DZIP1L: variants seen among roughly 807,000 people sequenced by gnomAD.
DZIP1L encodes the protein DAZ interacting zinc finger protein 1 like.
In DZIP1L, 90 loss-of-function variants were observed where a neutral mutation model predicts 88.7. That is an observed-to-expected ratio of 1.02 (90% CI 0.86 to 1.21). The LOEUF (loss-of-function observed/expected upper bound fraction) is 1.21, where lower values mean the gene tolerates loss of function less well. Ranked by LOEUF, DZIP1L falls within the 50% of genes most tolerant of loss-of-function variation. The pLI is 0.00. For synonymous variants in DZIP1L, 363 were observed against 372.1 expected, an observed-to-expected ratio of 0.98 and a Z score of 0.28; for missense variants, 932 against 955.8, an observed-to-expected ratio of 0.98 and a Z score of 0.33.
chr3:138,089,335 T>G, intron 5 of DZIP1L: 4 of 922,178 alleles, frequency 4.3e-6, no homozygotes, highest in Non-Finnish European at 5.2e-6. Context: ...AATGTGTCAC[T>G]CCTGGTTTCC....
chr3:138,067,487 T>C, intron 14 of DZIP1L, 44 bp downstream of exon 14: 1 of 1,543,368 alleles, frequency 6.5e-7, no homozygotes, highest in Non-Finnish European at 8.7e-7. Context: ...GGAGAAGGGC[T>C]ACACCGGTGG....
chr3:138,072,086 G>A (rs1427501396), intron 11 of DZIP1L, among the ~76,000 whole-genome samples: 3 of 152,200 alleles, frequency 2.0e-5, no homozygotes, highest in African/African-American at 4.8e-5. Context: ...AAAGGACTGC[G>A]TCACAATTCT....
chr3:138,095,396 T>A (rs1944421912), intron 3 of DZIP1L, among the ~76,000 whole-genome samples: 3 of 152,112 alleles, frequency 2.0e-5, no homozygotes, highest in Admixed American at 2.0e-4. Context: ...AAAGAACATA[T>A]CCATGTATCC....
At chr3:138,112,421 G>A (rs1312229424) in intron 1 of DZIP1L, 4 of 152,150 alleles carry the variant, frequency 2.6e-5, no homozygotes, top group Admixed American at 2.6e-4. Flanking sequence ...ATCACCACAG[G>A]GTTAGTGTTG....
intron 7 of DZIP1L, among the ~76,000 whole-genome samples, chr3:138,085,871 T>C (rs2107789051): frequency 6.6e-6 from 1 of 152,288 alleles, no homozygotes; most frequent in Middle Eastern, 3.4e-3. Flanking sequence ...TGTCCATCAA[T>C]GATAGACTGG....
At chr3:138,090,930 C>T (rs1449596359) in intron 5 of DZIP1L, among the ~76,000 whole-genome samples, 1 of 150,868 alleles carries the variant, frequency 6.6e-6, no homozygotes, top group Non-Finnish European at 1.5e-5. Context: ...GTCACCCAGG[C>T]AGGGGTGCAG....
At chr3:138,076,394 G>A (rs2107758141) in intron 11 of DZIP1L, among the ~76,000 whole-genome samples, 1 of 152,280 alleles carries the variant, frequency 6.6e-6, no homozygotes. Flanking sequence ...ATTTGATCCA[G>A]CAATCCCACT....
intron 11 of DZIP1L, among the ~76,000 whole-genome samples, chr3:138,074,591 T>C (rs1304693198): frequency 1.3e-5 from 2 of 152,182 alleles, no homozygotes; most frequent in East Asian, 3.8e-4. Flanking sequence ...TTTATTTTTT[T>C]ATTATACTTT....
At chr3:138,093,208 A>G (rs191877722) in intron 4 of DZIP1L, among the ~76,000 whole-genome samples, 16 of 152,370 alleles carry the variant, frequency 1.1e-4, no homozygotes, top group Admixed American at 1.0e-3. Flanking sequence ...AGGCTTGAAA[A>G]CAACACAAAT....
At chr3:138,102,888 G>T in intron 2 of DZIP1L, 1 of 635,222 alleles carries the variant, frequency 1.6e-6, no homozygotes, top group Middle Eastern at 2.9e-4. Context: ...TGGGCACCTT[G>T]TAGGACTTCT....
At chr3:138,095,823 C>T (rs1944445637) in intron 3 of DZIP1L, among the ~76,000 whole-genome samples, 1 of 151,852 alleles carries the variant, frequency 6.6e-6, no homozygotes, top group Non-Finnish European at 1.5e-5. Flanking sequence ...AAAAAAGCAG[C>T]ATGTATTATA....
chr3:138,107,559 G>C (rs1344470164), intron 1 of DZIP1L, among the ~76,000 whole-genome samples: 2 of 152,218 alleles, frequency 1.3e-5, no homozygotes. Context: ...GAAAACAGGA[G>C]ACCAGATTTG....
At chr3:138,065,935 A>G (rs1051423414) in intron 14 of DZIP1L, among the ~76,000 whole-genome samples, 1 of 150,426 alleles carries the variant, frequency 6.6e-6, no homozygotes, top group African/African-American at 2.5e-5. Flanking sequence ...GCAACCTGTT[A>G]GATAGAAAAT....
chr3:138,107,295 G>A (rs1044739302), intron 1 of DZIP1L, among the ~76,000 whole-genome samples: 1 of 152,106 alleles, frequency 6.6e-6, no homozygotes, highest in Non-Finnish European at 1.5e-5. Context: ...TGTAGGAGTG[G>A]GTTAGTTATC....
At position 138,097,742 on chromosome 3, in the gene DZIP1L, CG is replaced by C. The variant is rs942750889; in HGVS notation, c.586+20del. The C allele has an allele frequency of 6.9e-6, 11 of 1,598,272 alleles. No individual in the cohort carries two copies. In the African/African-American group the frequency reaches 1.5e-4, roughly 21 times the overall value. ...CCTTTCCACAGTCCCAGAAGGGGCCCGGGCTGCTGTCTGGACTCACCACCTT... is the reference window on the plus strand; with the variant it reads ...CCTTTCCACAGTCCCAGAAGGGGCCCGGCTGCTGTCTGGACTCACCACCTT... On this transcript the variant is annotated intron_variant, in intron 3 of 15. Coordinates refer to ENST00000327532, the MANE Select transcript of DZIP1L (RefSeq NM_173543.3).
Position 138,069,851 on chromosome 3 carries a change from G to A in DZIP1L, c.1616-1484C>T, listed in dbSNP as rs1943096300. On this transcript the variant is annotated intron_variant, in intron 12 of 15. Transcript: ENST00000327532. ...GTGAGCATTAAGACAGCACTTGTGGGACCCAGGAAAAGAATAAAGGTGCAG... is the reference window on the plus strand; with the variant it reads ...GTGAGCATTAAGACAGCACTTGTGGAACCCAGGAAAAGAATAAAGGTGCAG... Among the ~76,000 whole-genome samples the A allele has an allele frequency of 2.0e-5, 3 of 152,090 alleles. No individual in the cohort carries two copies. The South Asian group carries it at 6.2e-4, about 32-fold the overall frequency.
Position 138,102,548 on chromosome 3 carries a change from T to C in DZIP1L, c.501+923A>G, listed in dbSNP as rs759847585. 7.6e-5 allele frequency: 106 copies of C among 1,398,188 alleles called. 1 individual carries two copies. Among genetic ancestry groups the C allele is most frequent in the Non-Finnish European group, 1.0e-4 (101 of 988,480 alleles). 86.6% of individuals were successfully genotyped at this position (1,398,188 alleles called of 1,614,324 possible). The stretch of plus-strand genomic sequence containing the variant: ...GCCGTCTTCTGCTGCTGCAGGAGGC[T>C]CCAGTTGGTCTCCAGCATCTTGTTC... On this transcript the variant is annotated intron_variant, in intron 2 of 15. Coordinates refer to ENST00000327532, the MANE Select transcript of DZIP1L (RefSeq NM_173543.3).
In DZIP1L at chr3:138,077,490, G is replaced by A; in HGVS notation, c.1422+9C>T. The A allele has an allele frequency of 6.2e-7, 1 of 1,614,060 alleles. No homozygotes were observed. The highest frequency in any genetic ancestry group is 1.1e-5 in the South Asian group (1 of 91,076). On this transcript the variant is annotated intron_variant, in intron 11 of 15. Coordinates refer to ENST00000327532, the MANE Select transcript of DZIP1L (RefSeq NM_173543.3). The stretch of plus-strand genomic sequence containing the variant: ...TATCAGCCCTTAAAACGATGGCCCT[G>A]AAACTCACCTTCCTTATCCCCATGC...
intron 12 of DZIP1L, among the ~76,000 whole-genome samples, chr3:138,070,169 C>T (rs1307932574): frequency 1.3e-5 from 2 of 152,206 alleles, no homozygotes; most frequent in Admixed American, 6.5e-5. Flanking sequence ...CCCACCACCC[C>T]CATGCTTGGC....
Sources: allele counts gnomAD v4.1 joint callset (sites outside exome capture counted in the v4.1 genomes callset), GRCh38; gene constraint gnomAD v4.1.1; transcripts MANE v1.5; gene names NCBI Gene and HGNC (gene_info 2026-07-23, HGNC 2026-07-21).